Variants in DOCK1 observed in about 807,000 individuals in gnomAD.
DOCK1 encodes the protein dedicator of cytokinesis protein 1.
A neutral mutation model predicts 262.7 loss-of-function variants in DOCK1; 138 were observed. The ratio of observed to expected loss-of-function variants is 0.53; its 90% CI spans 0.46 to 0.61. The LOEUF (loss-of-function observed/expected upper bound fraction) is 0.61, where lower values mean the gene tolerates loss of function less well. DOCK1 is among the 20% of genes least tolerant of loss of function. DOCK1 has a pLI of 0.00. For missense variants in DOCK1, 1,908 were observed against 2,370.7 expected, an observed-to-expected ratio of 0.80 and a Z score of 4.05; for synonymous variants, 866 against 867.4, an observed-to-expected ratio of 1.00 and a Z score of 0.03.
chr10:127,045,566 C>G (rs2044292119), intron 21 of DOCK1, among the ~76,000 whole-genome samples: 1 of 152,180 alleles, frequency 6.6e-6, no homozygotes, highest in African/African-American at 2.4e-5. Flanking sequence ...TAGCCTCTCT[C>G]CTTTGGTAAA....
At chr10:126,934,637 T>C (rs74219131) in intron 1 of DOCK1, among the ~76,000 whole-genome samples, 4,253 of 152,302 alleles carry the variant, frequency 0.028, 97 homozygotes, top group Non-Finnish European at 0.047. Context: ...TTTGTTTTTT[T>C]CCTGTTGAAA....
chr10:127,417,020 G>A (rs2068197024), intron 44 of DOCK1, among the ~76,000 whole-genome samples: 1 of 152,166 alleles, frequency 6.6e-6, no homozygotes, highest in Admixed American at 6.5e-5. Flanking sequence ...AGCCACCTAG[G>A]AGTGCCAGTC....
chr10:126,944,530 C>G (rs2035251659), intron 1 of DOCK1, among the ~76,000 whole-genome samples: 1 of 152,016 alleles, frequency 6.6e-6, no homozygotes, highest in East Asian at 1.9e-4. Context: ...TGAGGAGAAG[C>G]TGAGGAGCTG....
At chr10:127,411,244 T>G (rs1486345306) in intron 43 of DOCK1, among the ~76,000 whole-genome samples, 1 of 151,978 alleles carries the variant, frequency 6.6e-6, no homozygotes, top group African/African-American at 2.4e-5. Context: ...TCATCTCTAG[T>G]TAAAAATGGA....
chr10:127,238,551 C>T (rs2059153594), intron 27 of DOCK1, among the ~76,000 whole-genome samples: 1 of 152,174 alleles, frequency 6.6e-6, no homozygotes, highest in Non-Finnish European at 1.5e-5. Context: ...TTGCCCTCAA[C>T]CCTGCCACGT....
chr10:127,237,578 G>A (rs1308481631), intron 27 of DOCK1, among the ~76,000 whole-genome samples: 1 of 152,060 alleles, frequency 6.6e-6, no homozygotes, highest in Non-Finnish European at 1.5e-5. Context: ...AGCTTTATGT[G>A]CAAAAGCAAC....
At chr10:127,276,688 C>T (rs560808655) in intron 29 of DOCK1, among the ~76,000 whole-genome samples, 5 of 152,094 alleles carry the variant, frequency 3.3e-5, no homozygotes, top group Non-Finnish European at 7.4e-5. Context: ...CTCCGAGCTC[C>T]TTTATCAGGC....
In DOCK1 at chr10:127,110,359, G is replaced by T; in HGVS notation, c.2623+5G>T. The T allele has an allele frequency of 6.2e-7, 1 of 1,606,128 alleles. No individual in the cohort carries two copies. The highest frequency in any genetic ancestry group is 8.5e-7 in the Non-Finnish European group (1 of 1,174,562). On this transcript the variant is annotated splice_donor_5th_base_variant and intron_variant, in intron 25 of 51. Transcript: ENST00000623213. ...GTGACCTCTTCACACAGCATGGTGA[G>T]TGGAACCCCAAGAATTATTCACTTG...
chr10:127,374,008 A>C (rs41282892), intron 34 of DOCK1, 50 bp from the exon 35 acceptor site: 101,211 of 1,562,360 alleles, frequency 0.065, 3,708 homozygotes, highest in African/African-American at 0.16. Flanking sequence ...ACCTCTGTTG[A>C]GTTTCTTTTT....
intron 46 of DOCK1, among the ~76,000 whole-genome samples, chr10:127,420,730 T>G (rs1030026563): frequency 1.3e-4 from 19 of 151,432 alleles, no homozygotes; most frequent in Admixed American, 6.6e-4. Context: ...TCCCAGCTAC[T>G]CAGGAGGCTG....
intron 38 of DOCK1, among the ~76,000 whole-genome samples, chr10:127,388,600 A>G (rs953916249): frequency 6.6e-6 from 1 of 152,250 alleles, no homozygotes; most frequent in African/African-American, 2.4e-5. Flanking sequence ...CCATGGCTCC[A>G]AACAGCACAG....
intron 27 of DOCK1, among the ~76,000 whole-genome samples, chr10:127,207,857 GT>G (rs1206350471): frequency 3.9e-5 from 6 of 152,174 alleles, no homozygotes; most frequent in African/African-American, 1.4e-4. Context: ...ACAGGCTATA[GT>G]TTTATGACCC....
chr10:126,946,059 G>A (rs2035375691), intron 1 of DOCK1, among the ~76,000 whole-genome samples: 2 of 152,140 alleles, frequency 1.3e-5, no homozygotes, highest in Non-Finnish European at 2.9e-5. Flanking sequence ...GTAAAAGTCT[G>A]CCATTCAGTG....
intron 22 of DOCK1, among the ~76,000 whole-genome samples, chr10:127,057,155 C>A (rs562159533): frequency 6.6e-6 from 1 of 152,300 alleles, no homozygotes; most frequent in Non-Finnish European, 1.5e-5. Context: ...AAATGAGTCT[C>A]CTGTGTGGTG....
chr10:127,418,493 C>G lies in DOCK1; in HGVS notation c.4644C>G (p.Asn1548Lys), dbSNP rs185222787. 1 of 1,614,146 alleles carries G rather than the reference C, an allele frequency of 6.2e-7. No homozygotes were observed. Among genetic ancestry groups the G allele is most frequent in the Non-Finnish European group, 8.5e-7 (1 of 1,180,032 alleles). Reference protein sequence around the residue: ...LPINPLSMLLNGIVDPAVMGG... With the variant: ...LPINPLSMLLKGIVDPAVMGG... The stretch of plus-strand genomic sequence containing the variant: ...TCAACCCGCTCTCCATGCTCCTGAA[C>G]GGCATCGTGGACCCAGCTGTCATGG... Residue 1548 changes from asparagine (N) to lysine (K), a missense_variant, in exon 45 of 52, where the codon AAC (asparagine) becomes AAG (lysine). By Grantham distance (94) the Asn-to-Lys change is moderately conservative. This residue lies in a region of DOCK1 where 57 missense variants were observed against 103.1 expected (regional missense o/e 0.55). Transcript: ENST00000623213.
chr10:127,032,035 CA>C, intron 17 of DOCK1, 101 bp from the exon 18 acceptor site: 1 of 1,367,298 alleles, frequency 7.3e-7, no homozygotes, highest in Non-Finnish European at 1.0e-6. Flanking sequence ...TGATACAAAG[CA>C]ATTACGATGG....
At chr10:127,419,955 A>C (rs775287199) in intron 46 of DOCK1, among the ~76,000 whole-genome samples, 3 of 152,126 alleles carry the variant, frequency 2.0e-5, no homozygotes, top group Non-Finnish European at 2.9e-5. Context: ...CACCCAGAAA[A>C]TTATCTCTTG....
intron 25 of DOCK1, among the ~76,000 whole-genome samples, chr10:127,114,759 CTT>C (rs57979480): frequency 1.7e-3 from 184 of 108,262 alleles, no homozygotes; most frequent in Admixed American, 2.1e-3. Context: ...TTTTTTCTTT[CTT>C]TTTTTTTTTT....
At chr10:127,155,993 T>C (rs966345167) in intron 27 of DOCK1, among the ~76,000 whole-genome samples, 1 of 152,224 alleles carries the variant, frequency 6.6e-6, no homozygotes, top group Admixed American at 6.5e-5. Context: ...TACCTAGTAC[T>C]TGTCTATATG....
Sources: gnomAD v4.1 joint callset for allele counts (sites outside exome capture counted in the v4.1 genomes callset) on GRCh38, gnomAD v4.1.1 for gene constraint, gnomAD v4.1.1 regional missense constraint, MANE v1.5 for transcripts, NCBI Gene and HGNC (gene_info 2026-07-23, HGNC 2026-07-21) for gene names.